The following OPCML variants were observed in gnomAD, a reference collection of about 807,000 sequenced individuals.
OPCML encodes the protein opioid-binding protein/cell adhesion molecule.
In OPCML, 13 loss-of-function variants were observed where a neutral mutation model predicts 37.8. The ratio of observed to expected loss-of-function variants is 0.34; its 90% CI spans 0.22 to 0.55. OPCML has a LOEUF of 0.55. OPCML is among the 20% of genes least tolerant of loss of function. The pLI is 0.91. For missense variants in OPCML, 341 were observed against 435.6 expected, an observed-to-expected ratio of 0.78 and a Z score of 1.93; for synonymous variants, 176 against 168.8, an observed-to-expected ratio of 1.04 and a Z score of -0.33.
intron 2 of OPCML, among the ~76,000 whole-genome samples, chr11:132,888,347 C>G (rs1412705656): frequency 1.3e-5 from 2 of 152,134 alleles, no homozygotes; most frequent in Non-Finnish European, 2.9e-5. Flanking sequence ...GGATAACTTC[C>G]TCTAGAGATC....
At chr11:133,028,449 C>G (rs951226960) in intron 1 of OPCML, among the ~76,000 whole-genome samples, 2 of 151,866 alleles carry the variant, frequency 1.3e-5, no homozygotes, top group African/African-American at 4.8e-5. Flanking sequence ...CTCACTTTGA[C>G]AAGTACACAC....
intron 1 of OPCML, among the ~76,000 whole-genome samples, chr11:133,134,642 C>G (rs1465780812): frequency 6.6e-6 from 1 of 152,194 alleles, no homozygotes; most frequent in African/African-American, 2.4e-5. Flanking sequence ...CCTCGACTTG[C>G]TCCAGGTCTT....
intron 1 of OPCML, among the ~76,000 whole-genome samples, chr11:133,264,957 G>A (rs1425813422): frequency 6.6e-6 from 1 of 152,340 alleles, no homozygotes; most frequent in African/African-American, 2.4e-5. Flanking sequence ...GTCTGCACTA[G>A]ACATAGGAGT....
rs544305615 is a variant in OPCML, at chr11:133,161,906, C to T, written c.62-218896G>A. ...CAAAACCCAGCACAGTGCCTGCCTC[C>T]CGGTACCCTCCAGTGACACTTTCCT... On this transcript the variant is annotated intron_variant, in intron 1 of 7. Transcript: ENST00000524381. 9.3e-4 allele frequency among the ~76,000 whole-genome samples: 141 copies of T among 152,030 alleles called. 1 individual carries two copies. The highest frequency in any genetic ancestry group is 3.4e-3 in the Middle Eastern group (1 of 292).
intron 1 of OPCML, among the ~76,000 whole-genome samples, chr11:133,392,584 G>T (rs1945195502): frequency 6.6e-6 from 1 of 152,186 alleles, no homozygotes; most frequent in Non-Finnish European, 1.5e-5. Context: ...CCAGCCTGAT[G>T]CTTCTGCTGA....
chr11:133,390,356 G>A (rs963194775), intron 1 of OPCML, among the ~76,000 whole-genome samples: 4 of 152,174 alleles, frequency 2.6e-5, no homozygotes, highest in Non-Finnish European at 5.9e-5. Context: ...CCAGCTACTC[G>A]GGAGGCTGAG....
At chr11:132,570,687 T>C (rs914792025) in intron 3 of OPCML, among the ~76,000 whole-genome samples, 1 of 147,016 alleles carries the variant, frequency 6.8e-6, no homozygotes. Context: ...ATATGTTTTA[T>C]ACATATGTGT....
intron 7 of OPCML, among the ~76,000 whole-genome samples, chr11:132,424,341 G>A (rs963895373): frequency 7.9e-5 from 12 of 152,030 alleles, no homozygotes; most frequent in African/African-American, 2.9e-4. Context: ...GGATGTTCTC[G>A]AACTCCTGAC....
At chr11:132,907,963 G>GA (rs549199192) in intron 2 of OPCML, among the ~76,000 whole-genome samples, 102 of 151,428 alleles carry the variant, frequency 6.7e-4, no homozygotes, top group Non-Finnish European at 1.1e-3. Flanking sequence ...ATGAGTCAAT[G>GA]AAAAAAAAAT....
intron 1 of OPCML, among the ~76,000 whole-genome samples, chr11:133,042,303 G>A (rs567551251): frequency 4.1e-4 from 63 of 152,320 alleles, no homozygotes; most frequent in Middle Eastern, 6.8e-3. Flanking sequence ...GTATGGCCTC[G>A]TGTGTACGGA....
intron 1 of OPCML, among the ~76,000 whole-genome samples, chr11:132,954,727 T>G (rs1305426011): frequency 6.6e-6 from 1 of 152,132 alleles, no homozygotes; most frequent in Non-Finnish European, 1.5e-5. Context: ...GCTGAAGCCC[T>G]GGGTACTAAT....
intron 1 of OPCML, among the ~76,000 whole-genome samples, chr11:133,277,749 C>A (rs1329039985): frequency 1.3e-5 from 2 of 151,752 alleles, no homozygotes; most frequent in Non-Finnish European, 2.9e-5. Context: ...GTATTACAGA[C>A]CTTGACAATA....
At chr11:132,497,042 C>T (rs2096233430) in intron 4 of OPCML, among the ~76,000 whole-genome samples, 2 of 152,064 alleles carry the variant, frequency 1.3e-5, no homozygotes, top group East Asian at 1.9e-4. Flanking sequence ...AAAGTGATAC[C>T]ATGGAATACT....
intron 2 of OPCML, among the ~76,000 whole-genome samples, chr11:132,913,348 T>A (rs957510478): frequency 1.3e-5 from 2 of 152,226 alleles, no homozygotes; most frequent in African/African-American, 4.8e-5. Context: ...ATTCAGGAAA[T>A]CAATTAACTA....
rs542834797 is a variant in OPCML, at chr11:132,900,510, T to C, written c.146+42416A>G. Among the ~76,000 whole-genome samples, 222 of 152,300 alleles carry C rather than the reference T, an allele frequency of 1.5e-3. 1 individual carries two copies. Among genetic ancestry groups the C allele is most frequent in the African/African-American group, 5.0e-3 (207 of 41,574 alleles). The stretch of plus-strand genomic sequence containing the variant: ...TCTTCCCATTGCAGCCAAAATTATC[T>C]TTAAACAAACAAACAAAACATTTTT... On this transcript the variant is annotated intron_variant, in intron 2 of 7. Coordinates refer to ENST00000524381, the MANE Select transcript of OPCML (RefSeq NM_001012393.5).
rs1298097926 is a variant in OPCML, at chr11:132,858,695, G to GGTGATGAATTCTCCTTATATTAAT, written c.146+84207_146+84230dup. ...GTGTCATTTTCTCATCCACAACATG[G>GGTGATGAATTCTCCTTATATTAAT]GTGATGAATTCTCCTTATATTAATC... is the stretch of plus-strand genomic sequence containing the variant. On this transcript the variant is annotated intron_variant, in intron 2 of 7. Transcript: ENST00000524381. 2.0e-5 allele frequency among the ~76,000 whole-genome samples: 3 copies of GGTGATGAATTCTCCTTATATTAAT among 152,182 alleles called. No homozygotes were observed. The East Asian group carries it at 5.8e-4, about 29-fold the overall frequency.
chr11:133,284,066 G>A (rs915020289), intron 1 of OPCML, among the ~76,000 whole-genome samples: 1 of 152,166 alleles, frequency 6.6e-6, no homozygotes, highest in African/African-American at 2.4e-5. Context: ...ATTAACAGAA[G>A]AGGTCAATAT....
chr11:133,193,575 A>T (rs1271457455), intron 1 of OPCML, among the ~76,000 whole-genome samples: 2 of 152,224 alleles, frequency 1.3e-5, no homozygotes, highest in East Asian at 3.8e-4. Context: ...TATTTTGGTA[A>T]TTCAAATACT....
At chr11:132,732,709 C>A (rs1248776027) in intron 2 of OPCML, among the ~76,000 whole-genome samples, 2 of 152,026 alleles carry the variant, frequency 1.3e-5, no homozygotes, top group Admixed American at 1.3e-4. Context: ...GACAGCAAAC[C>A]AAGAGAGATT....
Sources: gnomAD v4.1 joint callset for allele counts (sites outside exome capture counted in the v4.1 genomes callset) on GRCh38, gnomAD v4.1.1 for gene constraint, MANE v1.5 for transcripts, NCBI Gene and HGNC (gene_info 2026-07-23, HGNC 2026-07-21) for gene names.